Variants in WWOX observed in about 807,000 individuals in gnomAD.
WWOX encodes the protein WW domain-containing oxidoreductase.
A neutral mutation model predicts 46.2 loss-of-function variants in WWOX; 69 were observed. That is an observed-to-expected ratio of 1.49 (90% CI 1.23 to 1.82). The LOEUF is 1.82. WWOX is among the 40% of genes most tolerant of loss of function. WWOX has a pLI of 0.00. For synonymous variants in WWOX, 359 were observed against 202.6 expected, an observed-to-expected ratio of 1.77 and a Z score of -6.56; for missense variants, 919 against 542.6, an observed-to-expected ratio of 1.69 and a Z score of -6.89.
chr16:78,237,945 T>C (rs1416745473), intron 5 of WWOX: 1 of 152,242 alleles, frequency 6.6e-6, no homozygotes, highest in Non-Finnish European at 1.5e-5. Flanking sequence ...GTCTTTTTTG[T>C]AGCTCCCAAA....
intron 8 of WWOX, among the ~76,000 whole-genome samples, chr16:78,536,564 T>G (rs1314572140): frequency 6.6e-6 from 1 of 152,050 alleles, no homozygotes; most frequent in African/African-American, 2.4e-5. Flanking sequence ...CATATCCCAG[T>G]GTATATGGTA....
chr16:78,159,366 G>A (rs559702552), intron 4 of WWOX, among the ~76,000 whole-genome samples: 1 of 152,156 alleles, frequency 6.6e-6, no homozygotes, highest in South Asian at 2.1e-4. Flanking sequence ...TTTAATTCTT[G>A]TTTCGTTTTT....
At chr16:78,363,899 C>G (rs1164075707) in intron 5 of WWOX, among the ~76,000 whole-genome samples, 1 of 152,188 alleles carries the variant, frequency 6.6e-6, no homozygotes, top group Non-Finnish European at 1.5e-5. Flanking sequence ...CATGGAGACC[C>G]CAGGCCGTCT....
intron 8 of WWOX, among the ~76,000 whole-genome samples, chr16:78,822,971 G>A (rs566644568): frequency 3.3e-5 from 5 of 152,148 alleles, no homozygotes; most frequent in East Asian, 1.9e-4. Context: ...AAGAGGCTTC[G>A]TGTTGTTTGT....
rs1219081424 is a variant in WWOX at position 78,777,954 on chromosome 16, A to G, written c.1056+345202A>G. Among the ~76,000 whole-genome samples the G allele has an allele frequency of 5.4e-5, 8 of 148,908 alleles. No homozygotes were observed. The South Asian group carries it at 8.7e-4, about 16-fold the overall frequency. On this transcript the variant is annotated intron_variant, in intron 8 of 8. Transcript: ENST00000566780. ...CAACTGCTCAGAATGCTAAGGTAGG[A>G]GAATCGCTTGAACCCAGGAGGTGGA...
intron 8 of WWOX, among the ~76,000 whole-genome samples, chr16:78,731,274 G>A (rs2048962795): frequency 6.6e-6 from 1 of 152,276 alleles, no homozygotes; most frequent in Non-Finnish European, 1.5e-5. Context: ...CCCGAGGTAA[G>A]AATTTAGAGC....
chr16:78,693,798 A>G (rs1455529983), intron 8 of WWOX, among the ~76,000 whole-genome samples: 1 of 152,060 alleles, frequency 6.6e-6, no homozygotes, highest in Admixed American at 6.6e-5. Flanking sequence ...GATCTAGGGG[A>G]AGATGTGATT....
chr16:78,921,229 A>G (rs1017144955), intron 8 of WWOX, among the ~76,000 whole-genome samples: 1 of 152,186 alleles, frequency 6.6e-6, no homozygotes, highest in Non-Finnish European at 1.5e-5. Flanking sequence ...TTGAAAAGAC[A>G]TTAGCCTCGA....
chr16:78,919,320 G>A (rs984994658), intron 8 of WWOX, among the ~76,000 whole-genome samples: 1 of 151,806 alleles, frequency 6.6e-6, no homozygotes, highest in Non-Finnish European at 1.5e-5. Flanking sequence ...AACTCACCCA[G>A]GATCAAGCAG....
intron 8 of WWOX, among the ~76,000 whole-genome samples, chr16:78,619,903 AAAAT>A (rs566599249): frequency 5.3e-5 from 8 of 152,192 alleles, no homozygotes; most frequent in South Asian, 2.1e-4. Flanking sequence ...ACCTGTCTCC[AAAAT>A]AAATAAATAA....
At chr16:79,086,784 A>G (rs943311471) in intron 8 of WWOX, among the ~76,000 whole-genome samples, 4 of 152,172 alleles carry the variant, frequency 2.6e-5, no homozygotes, top group Non-Finnish European at 4.4e-5. Flanking sequence ...GTAGGAGGCT[A>G]AGGCAGGAGG....
intron 8 of WWOX, among the ~76,000 whole-genome samples, chr16:78,693,999 G>A (rs187660309): frequency 1.3e-5 from 2 of 152,072 alleles, no homozygotes; most frequent in East Asian, 1.9e-4. Flanking sequence ...TTAGGAGGCC[G>A]AGGCAGGTGG....
At chr16:78,846,572 C>T (rs2151175072) in intron 8 of WWOX, among the ~76,000 whole-genome samples, 1 of 152,090 alleles carries the variant, frequency 6.6e-6, no homozygotes, top group Admixed American at 6.5e-5. Flanking sequence ...AAGTGATGTG[C>T]CATTCTTCGG....
At chr16:79,191,710 C>G (rs1457444569) in intron 8 of WWOX, among the ~76,000 whole-genome samples, 1 of 152,100 alleles carries the variant, frequency 6.6e-6, no homozygotes, top group African/African-American at 2.4e-5. Context: ...TACCACCTAC[C>G]CCAACCTGGC....
intron 5 of WWOX, among the ~76,000 whole-genome samples, chr16:78,209,880 C>T (rs2036504326): frequency 6.6e-6 from 1 of 151,764 alleles, no homozygotes; most frequent in African/African-American, 2.4e-5. Context: ...TATAAGTTAC[C>T]TTCTTTCTCT....
At position 78,432,700 on chromosome 16, in the gene WWOX, G is replaced by A; in HGVS notation, c.1004G>A (p.Trp335Ter). The change falls in exon 8 of 9, where the codon TGG becomes TAG. Residue 335 changes from tryptophan (W) to a stop codon, truncating the protein, a stop_gained. Transcript: ENST00000566780. LOFTEE classifies it high-confidence loss of function. ...ATGTACTCCAACATTCATCGCAGCT[G>A]GTGGGTGTACACACTGCTGTTTACC... ...NMMYSNIHRS[W>*]WVYTLLFTLA... 6.2e-7 allele frequency: 1 copy of A among 1,614,172 alleles called. No individual in the cohort carries two copies. Among genetic ancestry groups the A allele is most frequent in the Non-Finnish European group, 8.5e-7 (1 of 1,180,044 alleles).
intron 8 of WWOX, among the ~76,000 whole-genome samples, chr16:79,187,566 C>T (rs1415086670): frequency 1.3e-5 from 2 of 152,188 alleles, no homozygotes; most frequent in African/African-American, 4.8e-5. Flanking sequence ...CGCACACCGC[C>T]ACCACGCCCA....
Position 79,212,059 on chromosome 16 carries a change from C to CCTGG in WWOX, c.*263_*264insCTGG, listed in dbSNP as rs1567626017. On this transcript the variant is annotated 3_prime_UTR_variant, in exon 9 of 9. Coordinates refer to ENST00000566780, the MANE Select transcript of WWOX (RefSeq NM_016373.4). ...TGGCCTGTTTGAAAGTAAAAACCTG[C>CCTGG]TTGGTGTGTAGGTTCCGTATCTCCC... The CCTGG allele has an allele frequency of 4.2e-5, 64 of 1,535,820 alleles. No individual in the cohort carries two copies. The highest frequency in any genetic ancestry group is 5.5e-5 in the Non-Finnish European group (63 of 1,146,818).
intron 8 of WWOX, among the ~76,000 whole-genome samples, chr16:78,983,870 CTTTTTTTTT>C (rs760130115): frequency 1.3e-5 from 1 of 79,844 alleles, no homozygotes; most frequent in Admixed American, 2.1e-4. Flanking sequence ...GAGAGCTATT[CTTTTTTTTT>C]TTTTTTTTTT....
Sources: gnomAD v4.1 joint callset for allele counts (sites outside exome capture counted in the v4.1 genomes callset) on GRCh38, gnomAD v4.1.1 for gene constraint, MANE v1.5 for transcripts, NCBI Gene and HGNC (gene_info 2026-07-23, HGNC 2026-07-21) for gene names.